CYTH2: variants seen among roughly 807,000 people sequenced by gnomAD.
CYTH2 encodes cytohesin 2, also known as cytohesin-2.
Under a neutral mutation model 55.4 loss-of-function variants are expected in CYTH2, and 24 were observed. That is an observed-to-expected ratio of 0.43 (90% CI 0.31 to 0.61). The LOEUF (loss-of-function observed/expected upper bound fraction) is 0.61, where lower values mean the gene tolerates loss of function less well. CYTH2 is among the 20% of genes least tolerant of loss of function. The probability of loss-of-function intolerance (pLI) is 0.08; values close to 1 mark genes in which losing one functional copy is unlikely to be tolerated. For missense variants in CYTH2, 378 were observed against 533.5 expected, an observed-to-expected ratio of 0.71 and a Z score of 2.87; for synonymous variants, 221 against 209.6, an observed-to-expected ratio of 1.05 and a Z score of -0.47.
At chr19:48,470,547 C>T in intron 2 of CYTH2, 47 bp downstream of exon 2, 1 of 1,613,910 alleles carries the variant, frequency 6.2e-7, no homozygotes, top group Non-Finnish European at 8.5e-7. Flanking sequence ...TTGGCTGAGG[C>T]CAGGGATGCC....
At chr19:48,469,863 G>A (rs1971751272) in intron 1 of CYTH2, 3 of 567,364 alleles carry the variant, frequency 5.3e-6, no homozygotes, top group Non-Finnish European at 1.0e-5. Flanking sequence ...TTGCGGGGAG[G>A]GGAGAAATCT....
At position 48,473,290 on chromosome 19, in the gene CYTH2, C is replaced by T; in HGVS notation, c.354-8C>T. On this transcript the variant is annotated splice_region_variant and splice_polypyrimidine_tract_variant and intron_variant, in intron 4 of 11. Transcript: ENST00000452733. Reference sequence around the variant, plus strand: ...CAAACTGTATGTGTCTTTGTCCCATCCTTCCAGGGAAGAACTGAACCTGGC... The same window carrying T: ...CAAACTGTATGTGTCTTTGTCCCATTCTTCCAGGGAAGAACTGAACCTGGC... The T allele has an allele frequency of 6.2e-7, 1 of 1,613,986 alleles. No individual in the cohort carries two copies. Among genetic ancestry groups the T allele is most frequent in the Non-Finnish European group, 8.5e-7 (1 of 1,179,918 alleles).
chr19:48,478,085 G>A lies in CYTH2; in HGVS notation c.825G>A (p.Thr275=), dbSNP rs149515451. The A allele has an allele frequency of 1.2e-4, 192 of 1,613,980 alleles. No individual in the cohort carries two copies. The highest frequency in any genetic ancestry group is 2.8e-4 in the African/African-American group (21 of 74,938). Residue 275 remains threonine, a synonymous_variant, in exon 9 of 12, where the codon ACG becomes ACA. Transcript: ENST00000452733. ...CCCTTTCAGGGGGCCGGGTGAAGAC[G>A]TGGAAGCGGCGCTGGTTTATCCTCA... The part of the protein sequence containing the change: ...WLLKLGGRVK[T]WKRRWFILTD...
In CYTH2 at chr19:48,474,054, G is replaced by C. The variant is rs1360957906; in HGVS notation, c.547+37G>C. The C allele has an allele frequency of 6.3e-7, 1 of 1,575,794 alleles. No homozygotes were observed. Among genetic ancestry groups the C allele is most frequent in the African/African-American group, 1.4e-5 (1 of 73,308 alleles). ...AAATCCTGGGTCCTGGGAAAGAGGAGACTGGGGCCCAGACTCCTAGGTCTG... is the reference window on the plus strand; with the variant it reads ...AAATCCTGGGTCCTGGGAAAGAGGACACTGGGGCCCAGACTCCTAGGTCTG... On this transcript the variant is annotated intron_variant, in intron 6 of 11. Transcript: ENST00000452733. This position sits in a 1 kb window ranked among gnomAD's most constrained non-coding sequence, Gnocchi z 4.9.
rs1324060319 is a variant in CYTH2, at chr19:48,473,891, C to T, written c.435-14C>T. ...CCAGCCCTGGCATCCATTCCTGGCCCCTCCCCAACCCAGGCAGTTTCTATG... is the reference window on the plus strand; with the variant it reads ...CCAGCCCTGGCATCCATTCCTGGCCTCTCCCCAACCCAGGCAGTTTCTATG... On this transcript the variant is annotated splice_polypyrimidine_tract_variant and intron_variant, in intron 5 of 11. Transcript: ENST00000452733. The T allele has an allele frequency of 4.4e-6, 7 of 1,588,316 alleles. No individual in the cohort carries two copies. In the South Asian group the frequency reaches 8.1e-5, roughly 18 times the overall value.
rs1047370402 is a variant in CYTH2, at chr19:48,480,176, C to T, written c.*966C>T. 7.9e-5 allele frequency: 12 copies of T among 152,284 alleles called. No homozygotes were observed. The highest frequency in any genetic ancestry group is 2.9e-4 in the African/African-American group (12 of 41,546). The allele number at this position is 152,284 out of a possible 1,614,324, so 9.4% of individuals were successfully genotyped here. On this transcript the variant is annotated 3_prime_UTR_variant, in exon 12 of 12. Transcript: ENST00000452733. The stretch of plus-strand genomic sequence containing the variant: ...CCAGTTGGGGTATGTGTGGTGTCCC[C>T]AAAGAACAAGGGCTCGTGGATCCCG...
intron 4 of CYTH2, 28 bp downstream of exon 4, chr19:48,472,471 G>GCCCCCCCCCA: frequency 6.3e-7 from 1 of 1,584,668 alleles, no homozygotes; most frequent in Non-Finnish European, 8.6e-7. Flanking sequence ...CTCCTGTGGG[G>GCCCCCCCCCA]CCCCTCCCTC....
In CYTH2 at chr19:48,474,186, G is replaced by A. The variant is rs61497330; in HGVS notation, c.552G>A (p.Thr184=). The A allele has an allele frequency of 2.2e-5, 35 of 1,594,906 alleles. No homozygotes were observed. Among genetic ancestry groups the A allele is most frequent in the African/African-American group, 2.7e-5 (2 of 74,674 alleles). The change falls in exon 7 of 12, where the codon ACG becomes ACA. Residue 184 remains threonine, a synonymous_variant. Coordinates refer to ENST00000452733, the MANE Select transcript of CYTH2 (RefSeq NM_004228.7). This position sits in a 1 kb window ranked among gnomAD's most constrained non-coding sequence, Gnocchi z 4.9. ...CACCTGCCCTGTCCGGTGCAGACAC[G>A]TGCTATGTGCTGTCCTTCGCCGTCA... The part of the protein sequence containing the change: ...CNPGVFQSTD[T]CYVLSFAVIM...
rs1266713881 is a variant in CYTH2, at chr19:48,469,378, G to C, written c.-130G>C. On this transcript the variant is annotated 5_prime_UTR_variant, in exon 1 of 12. Transcript: ENST00000452733. ...AGGGAAGAGTCTTTTCAGCGCTGAG[G>C]ACTGGCGCTGAGGAGGCGGCGGTGG... is the stretch of plus-strand genomic sequence containing the variant. 9 of 1,062,254 alleles carry C rather than the reference G, an allele frequency of 8.5e-6. No individual in the cohort carries two copies. The highest frequency in any genetic ancestry group is 1.1e-5 in the Non-Finnish European group (9 of 812,096). 65.8% of individuals were successfully genotyped at this position (1,062,254 alleles called of 1,614,324 possible).
Position 48,474,850 on chromosome 19 carries a change from AG to A in CYTH2, c.710del (p.Ser237ThrfsTer17). On this transcript the variant is annotated frameshift_variant, in exon 8 of 12. Coordinates refer to ENST00000452733, the MANE Select transcript of CYTH2 (RefSeq NM_004228.7). LOFTEE classifies it high-confidence loss of function. This position sits in a 1 kb window ranked among gnomAD's most constrained non-coding sequence, Gnocchi z 4.9. ...CTTTACTCCTCAGAACCTGTACGAC[AG>A]CATCCGAAATGAGCCCTTCAAGATT... is the stretch of plus-strand genomic sequence containing the variant. ...PEELLRNLYD[S>X]IRNEPFKIPE... is the part of the protein sequence containing the mutation. 6.2e-7 allele frequency: 1 copy of A among 1,614,158 alleles called. No homozygotes were observed. The highest frequency in any genetic ancestry group is 1.1e-5 in the South Asian group (1 of 91,090).
At chr19:48,477,996 C>T (rs1253968444) in intron 8 of CYTH2, 73 bp from the exon 9 acceptor site, 1 of 1,279,776 alleles carries the variant, frequency 7.8e-7, no homozygotes, top group South Asian at 1.3e-5. Flanking sequence ...CTCTGCTTCT[C>T]ACGCCCCTCC....
Position 48,472,351 on chromosome 19 carries a change from ACTG to A in CYTH2, c.266_268del (p.Leu89del). On this transcript the variant is annotated inframe_deletion, in exon 4 of 12. Coordinates refer to ENST00000452733, the MANE Select transcript of CYTH2 (RefSeq NM_004228.7). ...GGATCCAGTTCTTGGTGGAGAATGA[ACTG>A]CTGCAGAACACACCCGAGGAGATCG... 1 of 1,613,998 alleles carries A rather than the reference ACTG, an allele frequency of 6.2e-7. No individual in the cohort carries two copies. The highest frequency in any genetic ancestry group is 8.5e-7 in the Non-Finnish European group (1 of 1,180,002).
At chr19:48,475,138 TGTA>T in intron 8 of CYTH2, 189 bp downstream of exon 8, 1 of 578,538 alleles carries the variant, frequency 1.7e-6, no homozygotes, top group Non-Finnish European at 3.0e-6. Flanking sequence ...GGGCCTGGCC[TGTA>T]GTAAGTACTT....
rs1260180370 is a variant in CYTH2 at position 48,474,351 on chromosome 19, C to T, written c.696+21C>T. On this transcript the variant is annotated intron_variant, in intron 7 of 11. Coordinates refer to ENST00000452733, the MANE Select transcript of CYTH2 (RefSeq NM_004228.7). The surrounding 1 kb of genome is among the most constrained non-coding windows in gnomAD (Gnocchi z 4.9). ...TCAGGGTCAGTCCCCCTTCCCTGCC[C>T]CTCAGCCCTGCCCCTCTTCCTGCCA... 2.6e-6 allele frequency: 4 copies of T among 1,564,874 alleles called. No homozygotes were observed. Among genetic ancestry groups the T allele is most frequent in the Middle Eastern group, 1.7e-4 (1 of 5,816 alleles).
In CYTH2 at chr19:48,481,506, T is replaced by G; in HGVS notation, c.*2296T>G. 2 of 183,674 alleles carry G rather than the reference T, an allele frequency of 1.1e-5. No individual in the cohort carries two copies. Among genetic ancestry groups the G allele is most frequent in the Non-Finnish European group, 2.3e-5 (2 of 88,266 alleles). The allele number at this position is 183,674 out of a possible 1,614,324, so 11.4% of individuals were successfully genotyped here. On this transcript the variant is annotated 3_prime_UTR_variant, in exon 12 of 12. Transcript: ENST00000452733. The stretch of plus-strand genomic sequence containing the variant: ...TTTTTTGTAGGTTTTTTTTTTTGTT[T>G]TTTGTTTTGTTTTGTTTTGTTTTTG...
intron 8 of CYTH2, chr19:48,475,957 G>A (rs1971903791): frequency 2.1e-5 from 11 of 512,558 alleles, no homozygotes; most frequent in East Asian, 1.1e-4. Context: ...GAGGCTTCCC[G>A]CGGCAGCAGG....
intron 5 of CYTH2, chr19:48,473,594 C>T (rs775795166): frequency 1.6e-6 from 1 of 607,000 alleles, no homozygotes; most frequent in Non-Finnish European, 2.9e-6. Flanking sequence ...AGAAAGTCGA[C>T]TTTCTTTGCC....
chr19:48,477,771 T>TGCCCTGGC (rs543201900), intron 8 of CYTH2: 173 of 447,386 alleles, frequency 3.9e-4, no homozygotes, highest in African/African-American at 1.9e-4. Context: ...GGGAGGGGGC[T>TGCCCTGGC]GCCCTGGCGC....
chr19:48,469,725 CT>C (rs1355542131), intron 1 of CYTH2, 199 bp downstream of exon 1: 1 of 856,248 alleles, frequency 1.2e-6, no homozygotes, highest in African/African-American at 1.7e-5. Flanking sequence ...ATTGTTTGGG[CT>C]GAGCCTGTTT....
Sources: allele counts gnomAD v4.1 joint callset, GRCh38; gene constraint gnomAD v4.1.1; non-coding constraint Gnocchi (gnomAD v3.1); transcripts MANE v1.5; gene names NCBI Gene and HGNC (gene_info 2026-07-23, HGNC 2026-07-21).